USP13: variants seen among roughly 807,000 people sequenced by gnomAD.
The protein encoded by USP13 is ubiquitin specific peptidase 13.
USP13 carries 68 observed loss-of-function variants against 107.8 expected under a neutral mutation model. The ratio of observed to expected loss-of-function variants is 0.63; its 90% CI spans 0.52 to 0.77. USP13 has a LOEUF of 0.77. Among genes scored for constraint, USP13 ranks in the 30% least tolerant of loss-of-function variants. The pLI is 0.00. For missense variants in USP13, 945 were observed against 1,093.3 expected (o/e 0.86, Z 1.91); for synonymous variants, 377 against 389.5 (o/e 0.97, Z 0.38).
rs145466439 is a variant in USP13, at chr3:179,750,506, T to C, written c.1710-1779T>C. Among the ~76,000 whole-genome samples the C allele has an allele frequency of 4.4e-4, 67 of 151,988 alleles. 2 individuals carry two copies. The highest frequency in any genetic ancestry group is 1.4e-3 in the African/African-American group (57 of 41,476). ...TCTGGAGAGTGAGCCTGGCTAATAGTAGATTAGTTGCTTGGGATGATAAAG... is the reference window on the plus strand; with the variant it reads ...TCTGGAGAGTGAGCCTGGCTAATAGCAGATTAGTTGCTTGGGATGATAAAG... On this transcript the variant is annotated intron_variant, in intron 13 of 20. Transcript: ENST00000263966.
chr3:179,714,470 C>T (rs1284552533), intron 6 of USP13, among the ~76,000 whole-genome samples: 2 of 152,166 alleles, frequency 1.3e-5, no homozygotes, highest in African/African-American at 4.8e-5. Context: ...CCACAAGACC[C>T]TGTTAACAGT....
chr3:179,659,257 G>T (rs1238298741), intron 1 of USP13, among the ~76,000 whole-genome samples: 1 of 152,160 alleles, frequency 6.6e-6, no homozygotes, highest in Non-Finnish European at 1.5e-5. Context: ...CTTCATGTTA[G>T]GGGCTCAGTG....
chr3:179,685,826 T>G (rs1238034374), intron 2 of USP13, among the ~76,000 whole-genome samples: 3 of 152,190 alleles, frequency 2.0e-5, no homozygotes, highest in Non-Finnish European at 4.4e-5. Context: ...TTATTCCTAT[T>G]TTGATCATTT....
rs61032635 is a variant in USP13 at position 179,750,304 on chromosome 3, GTA to G, written c.1710-1965_1710-1964del. ...TAATAATAAATATATATATGTGTGT[GTA>G]TATATATATATATATGTGTGTATAT... is the stretch of plus-strand genomic sequence containing the variant. On this transcript the variant is annotated intron_variant, in intron 13 of 20. Transcript: ENST00000263966. 3.9e-4 allele frequency among the ~76,000 whole-genome samples: 44 copies of G among 113,498 alleles called. 1 individual carries two copies. Among genetic ancestry groups the G allele is most frequent in the South Asian group, 1.9e-3 (6 of 3,170 alleles). 74.5% of individuals were successfully genotyped at this position (113,498 alleles called of 152,430 possible).
Position 179,745,059 on chromosome 3 carries a change from T to C in USP13, c.1551T>C (p.Tyr517=), listed in dbSNP as rs1157705542. The C allele has an allele frequency of 6.2e-7, 1 of 1,614,050 alleles. No individual in the cohort carries two copies. Among genetic ancestry groups the C allele is most frequent in the Non-Finnish European group, 8.5e-7 (1 of 1,180,038 alleles). ...TTCACCCAGATGAACTGATCGCTTA[T>C]GAACTAACGAGAAGGGAAGCAGAAG... The part of the protein sequence containing the change: ...AATNKDELIA[Y]ELTRREAEAN... Residue 517 remains tyrosine (Y), a synonymous_variant, in exon 13 of 21, where the codon TAT becomes TAC. Coordinates refer to ENST00000263966, the MANE Select transcript of USP13 (RefSeq NM_003940.3).
chr3:179,751,785 A>G (rs967132096), intron 13 of USP13, among the ~76,000 whole-genome samples: 1 of 151,960 alleles, frequency 6.6e-6, no homozygotes, highest in Non-Finnish European at 1.5e-5. Context: ...GTCCAGTGGC[A>G]TGATCTCAGC....
At chr3:179,676,601 G>A (rs1382713704) in intron 1 of USP13, among the ~76,000 whole-genome samples, 8 of 152,138 alleles carry the variant, frequency 5.3e-5, no homozygotes, top group Non-Finnish European at 1.0e-4. Flanking sequence ...AGAGGCCATC[G>A]GGTGCTGACT....
chr3:179,683,487 G>A (rs567587251), intron 2 of USP13, among the ~76,000 whole-genome samples: 1 of 152,318 alleles, frequency 6.6e-6, no homozygotes, highest in African/African-American at 2.4e-5. Flanking sequence ...ATGTGGCTGG[G>A]GAGGTGTCAC....
Position 179,784,066 on chromosome 3 carries a change from C to T in USP13, c.2517C>T (p.Asp839=), listed in dbSNP as rs1472896041. 4.3e-6 allele frequency: 7 copies of T among 1,612,654 alleles called. No individual in the cohort carries two copies. Among genetic ancestry groups the T allele is most frequent in the Admixed American group, 1.7e-5 (1 of 59,660 alleles). The change falls in exon 21 of 21, where the codon GAC becomes GAT. Residue 839 remains aspartate, a synonymous_variant. Coordinates refer to ENST00000263966, the MANE Select transcript of USP13 (RefSeq NM_003940.3). The part of the protein sequence containing the change: ...KKEGRWVIYN[D]HKVCASERPP... ...TTTTCAGATGGGTGATTTACAATGACCACAAAGTTTGTGCCTCAGAAAGGC... is the reference window on the plus strand; with the variant it reads ...TTTTCAGATGGGTGATTTACAATGATCACAAAGTTTGTGCCTCAGAAAGGC...
chr3:179,666,044 G>C (rs1720578517), intron 1 of USP13, among the ~76,000 whole-genome samples: 1 of 152,228 alleles, frequency 6.6e-6, no homozygotes, highest in South Asian at 2.1e-4. Context: ...CAAAGGTATG[G>C]AGTTGGGACC....
intron 8 of USP13, among the ~76,000 whole-genome samples, chr3:179,725,305 TTTGTC>T (rs1560063472): frequency 6.6e-6 from 1 of 152,178 alleles, no homozygotes; most frequent in Non-Finnish European, 1.5e-5. Flanking sequence ...TGAGTTTTTT[TTTGTC>T]TTGTCAAGTT....
At chr3:179,752,101 A>G (rs560067612) in intron 13 of USP13, among the ~76,000 whole-genome samples, 184 bp from the exon 14 acceptor site, 282 of 152,356 alleles carry the variant, frequency 1.9e-3, no homozygotes, top group African/African-American at 6.4e-3. Flanking sequence ...TGAAGAGGCC[A>G]GGACAAATGA....
chr3:179,660,221 G>T (rs1025657111), intron 1 of USP13, among the ~76,000 whole-genome samples: 2 of 152,040 alleles, frequency 1.3e-5, no homozygotes, highest in African/African-American at 4.8e-5. Context: ...CACTACTGTC[G>T]ATCTCCAGTT....
chr3:179,721,694 A>G lies in USP13; in HGVS notation c.1088+105A>G, dbSNP rs941438433. ...AAGCCCATCTTTATTGCTTCAGGAC[A>G]TTTTGCCACCTTTTCTCTGGCCTGC... On this transcript the variant is annotated intron_variant, in intron 8 of 20. Coordinates refer to ENST00000263966, the MANE Select transcript of USP13 (RefSeq NM_003940.3). This position sits in a 1 kb window ranked among gnomAD's most constrained non-coding sequence, Gnocchi z 4.3. 1.4e-5 allele frequency: 18 copies of G among 1,264,222 alleles called. No individual in the cohort carries two copies. Among genetic ancestry groups the G allele is most frequent in the Non-Finnish European group, 1.9e-5 (18 of 926,550 alleles). 78.3% of individuals were successfully genotyped at this position (1,264,222 alleles called of 1,614,324 possible).
At chr3:179,654,292 T>C (rs1250778899) in intron 1 of USP13, among the ~76,000 whole-genome samples, 2 of 151,852 alleles carry the variant, frequency 1.3e-5, no homozygotes, top group Non-Finnish European at 2.9e-5. Flanking sequence ...ATCTACTGGA[T>C]TGCGATGGTT....
intron 3 of USP13, among the ~76,000 whole-genome samples, chr3:179,690,825 C>T (rs1024716822): frequency 4.6e-5 from 7 of 152,120 alleles, no homozygotes; most frequent in Non-Finnish European, 5.9e-5. Flanking sequence ...CCAACTGCCT[C>T]GGCTGGGATT....
intron 1 of USP13, among the ~76,000 whole-genome samples, chr3:179,663,728 G>A (rs1462905179): frequency 6.6e-6 from 1 of 152,176 alleles, no homozygotes; most frequent in African/African-American, 2.4e-5. Context: ...TTACCTTGTT[G>A]ATCCAGCTTT....
intron 16 of USP13, 102 bp from the exon 17 acceptor site, chr3:179,761,010 G>A (rs1367302496): frequency 1.4e-6 from 2 of 1,415,304 alleles, no homozygotes; most frequent in African/African-American, 1.4e-5. Flanking sequence ...CAACAGAATA[G>A]CACTTTCTTT....
chr3:179,761,122 C>T lies in USP13; in HGVS notation c.1959C>T (p.Ile653=), dbSNP rs765268795. The T allele has an allele frequency of 8.1e-6, 13 of 1,614,010 alleles. No homozygotes were observed. The highest frequency in any genetic ancestry group is 6.7e-5 in the African/African-American group (5 of 74,912). Residue 653 remains isoleucine, a synonymous_variant, in exon 17 of 21, where the codon ATC becomes ATT. Coordinates refer to ENST00000263966, the MANE Select transcript of USP13 (RefSeq NM_003940.3). ...LMNQLIDPSD[I]DESSVMQLAE... is the part of the protein sequence containing the mutation. Reference sequence around the variant, plus strand: ...TGTTGTGCTCTGTAGCATCAGACATCGATGAGTCATCAGTGATGCAGCTGG... The same window carrying T: ...TGTTGTGCTCTGTAGCATCAGACATTGATGAGTCATCAGTGATGCAGCTGG...
Sources: allele counts gnomAD v4.1 joint callset (sites outside exome capture counted in the v4.1 genomes callset), GRCh38; gene constraint gnomAD v4.1.1; non-coding constraint Gnocchi (gnomAD v3.1); transcripts MANE v1.5; gene names NCBI Gene and HGNC (gene_info 2026-07-23, HGNC 2026-07-21).